PPP1R9B: variants seen among roughly 807,000 people sequenced by gnomAD.
PPP1R9B encodes protein phosphatase 1 regulatory subunit 9B, also known as neurabin-2.
PPP1R9B carries 17 observed loss-of-function variants against 75.8 expected under a neutral mutation model. That is an observed-to-expected ratio of 0.22 (90% CI 0.15 to 0.34). The LOEUF is 0.34. Among genes scored for constraint, PPP1R9B ranks in the 10% least tolerant of loss-of-function variants. The pLI is 1.00. For missense variants in PPP1R9B, 875 were observed against 1,196.0 expected, an observed-to-expected ratio of 0.73 and a Z score of 3.96; for synonymous variants, 509 against 535.4, an observed-to-expected ratio of 0.95 and a Z score of 0.68.
At position 50,149,773 on chromosome 17, in the gene PPP1R9B, C is replaced by T; in HGVS notation, c.741G>A (p.Arg247=). The change falls in exon 1 of 10, where the codon CGG becomes CGA. Residue 247 remains arginine (R), a synonymous_variant. Coordinates refer to ENST00000612501, the MANE Select transcript of PPP1R9B (RefSeq NM_032595.5). The surrounding 1 kb of genome is among the most constrained non-coding windows in gnomAD (Gnocchi z 7.2). Reference sequence around the variant, plus strand: ...GCGGCGGGGGCTGGAACACCCGGGACCGCTTGCTGACCAGCTTCGAGTTGA... The same window carrying T: ...GCGGCGGGGGCTGGAACACCCGGGATCGCTTGCTGACCAGCTTCGAGTTGA... The part of the protein sequence containing the change: ...PQVNSKLVSK[R]SRVFQPPPPP... 1.4e-6 allele frequency: 2 copies of T among 1,411,368 alleles called. No individual in the cohort carries two copies. The highest frequency in any genetic ancestry group is 1.8e-6 in the Non-Finnish European group (2 of 1,091,460). The allele number at this position is 1,411,368 out of a possible 1,614,324, so 87.4% of individuals were successfully genotyped here.
intron 1 of PPP1R9B, among the ~76,000 whole-genome samples, chr17:50,147,222 A>G (rs1303120428): frequency 6.6e-6 from 1 of 152,028 alleles, no homozygotes; most frequent in East Asian, 1.9e-4. Flanking sequence ...GCTGCCCACC[A>G]TGATATGCCG....
At chr17:50,144,977 CA>C in intron 2 of PPP1R9B, 135 bp downstream of exon 2, 1 of 1,141,094 alleles carries the variant, frequency 8.8e-7, no homozygotes, top group Non-Finnish European at 1.2e-6. Flanking sequence ...GGAAGGTCAC[CA>C]AGGGCCTGAG....
rs1446074716 is a variant in PPP1R9B, at chr17:50,149,062, C to G, written c.1371+81G>C. The G allele has an allele frequency of 8.6e-6, 9 of 1,042,968 alleles. No homozygotes were observed. The South Asian group carries it at 1.5e-4, about 18-fold the overall frequency. 64.6% of individuals were successfully genotyped at this position (1,042,968 alleles called of 1,614,324 possible). ...AGGGGCTGACTCAGCCTGCCAAACC[C>G]GGCTGGCTGGCTGGCGAGCGGGGGC... On this transcript the variant is annotated intron_variant, in intron 1 of 9. Coordinates refer to ENST00000612501, the MANE Select transcript of PPP1R9B (RefSeq NM_032595.5). The surrounding 1 kb of genome is among the most constrained non-coding windows in gnomAD (Gnocchi z 7.2).
chr17:50,139,556 T>C lies in PPP1R9B; in HGVS notation c.1892A>G (p.Asp631Gly). The C allele has an allele frequency of 6.3e-7, 1 of 1,575,858 alleles. No individual in the cohort carries two copies. The highest frequency in any genetic ancestry group is 8.6e-7 in the Non-Finnish European group (1 of 1,160,598). ...CGGGAACGTGGGGCTCAGCTCCTCA[T>C]CCTCGTCAGTGGCATACTCTCCCGT... ...EETGEYATDE[D>G]EELSPTFPGG... The change falls in exon 6 of 10, where the codon GAT (aspartate) becomes GGT (glycine). Residue 631 changes from aspartate (D) to glycine (G), a missense_variant. This residue lies in a region of PPP1R9B where 218 missense variants were observed against 334.6 expected (regional missense o/e 0.65). Transcript: ENST00000612501. The surrounding 1 kb of genome is among the most constrained non-coding windows in gnomAD (Gnocchi z 5.0).
intron 4 of PPP1R9B, 188 bp from the exon 5 acceptor site, chr17:50,140,416 G>A: frequency 2.6e-6 from 2 of 777,214 alleles, no homozygotes; most frequent in Admixed American, 2.9e-5. Context: ...TCCTTCCCAA[G>A]GGAGGCAGGA....
chr17:50,149,181 G>A lies in PPP1R9B; in HGVS notation c.1333C>T (p.Pro445Ser). 1 of 1,573,494 alleles carries A rather than the reference G, an allele frequency of 6.4e-7. No homozygotes were observed. The highest frequency in any genetic ancestry group is 8.6e-7 in the Non-Finnish European group (1 of 1,159,812). Residue 445 changes from proline (P) to serine (S), a missense_variant, in exon 1 of 10, where the codon CCG becomes TCG. Physicochemically the swap from Pro to Ser is moderately conservative, Grantham distance 74. Transcript: ENST00000612501. This position sits in a 1 kb window ranked among gnomAD's most constrained non-coding sequence, Gnocchi z 7.2. The stretch of plus-strand genomic sequence containing the variant: ...GTGCTGAAATGGATCTTCCGGCTCG[G>A]GGCTGGGTCCTCCTCCTCCGACAGC... ...PGLSEEEDPA[P>S]SRKIHFSTAP...
rs1184689654 is a variant in PPP1R9B, at chr17:50,141,678, C to CA, written c.1626-306dup. Among the ~76,000 whole-genome samples, 390 of 139,982 alleles carry CA rather than the reference C, an allele frequency of 2.8e-3. 2 individuals are homozygous for CA. Among genetic ancestry groups the CA allele is most frequent in the East Asian group, 8.7e-3 (42 of 4,832 alleles). 91.8% of individuals were successfully genotyped at this position (139,982 alleles called of 152,430 possible). On this transcript the variant is annotated intron_variant, in intron 3 of 9. Coordinates refer to ENST00000612501, the MANE Select transcript of PPP1R9B (RefSeq NM_032595.5). ...ACCCTGCCTCAAAAAAAAAAAAAAA[C>CA]AAAAAAAAACAAGAAAAGAAAACAA...
chr17:50,142,658 C>G lies in PPP1R9B; in HGVS notation c.1625+940G>C, dbSNP rs1184821154. Among the ~76,000 whole-genome samples the G allele has an allele frequency of 1.3e-5, 2 of 152,112 alleles. No homozygotes were observed. The highest frequency in any genetic ancestry group is 4.1e-4 in the South Asian group (2 of 4,830). On this transcript the variant is annotated intron_variant, in intron 3 of 9. Transcript: ENST00000612501. The surrounding 1 kb of genome is among the most constrained non-coding windows in gnomAD (Gnocchi z 4.1). ...AAGAGATCCCCAATGTCACCTCTAA[C>G]TTACAGCCACCCTGGGGGATGCCCT...
chr17:50,140,063 C>A, intron 5 of PPP1R9B, 30 bp downstream of exon 5: 1 of 1,609,436 alleles, frequency 6.2e-7, no homozygotes, highest in Non-Finnish European at 8.5e-7. Context: ...AGGGGGCGAC[C>A]ACGCGGCCAG....
chr17:50,137,026 G>A (rs544695798), intron 7 of PPP1R9B, among the ~76,000 whole-genome samples: 1 of 152,200 alleles, frequency 6.6e-6, no homozygotes, highest in African/African-American at 2.4e-5. Context: ...CTTGCTCTCT[G>A]TCCCCCAGCC....
In PPP1R9B at chr17:50,150,057, G is replaced by T. The variant is rs776862860; in HGVS notation, c.457C>A (p.Arg153=). ...CCGCCTGCGGCCGCTGGGGCGCTCC[G>T]TTCGAACAGCTTCCGCGTCTCCTGC... ...RLQETRKLFE[R]SAPAAAGGDK... Residue 153 remains arginine (R), a synonymous_variant, in exon 1 of 10, where the codon CGG becomes AGG. Transcript: ENST00000612501. The surrounding 1 kb of genome is among the most constrained non-coding windows in gnomAD (Gnocchi z 8.7). 1 of 1,459,948 alleles carries T rather than the reference G, an allele frequency of 6.8e-7. No homozygotes were observed. Among genetic ancestry groups the T allele is most frequent in the South Asian group, 1.3e-5 (1 of 74,986 alleles). 90.4% of individuals were successfully genotyped at this position (1,459,948 alleles called of 1,614,324 possible). A position where few individuals can be genotyped will look rare whatever the true frequency, so the allele number is the denominator to read the frequency against.
At chr17:50,145,410 A>C (rs1912488718) in intron 1 of PPP1R9B, among the ~76,000 whole-genome samples, 165 bp from the exon 2 acceptor site, 1 of 152,156 alleles carries the variant, frequency 6.6e-6, no homozygotes, top group Non-Finnish European at 1.5e-5. Flanking sequence ...TGAGCAAAAC[A>C]AAGGCCCTTA....
At chr17:50,147,741 G>T (rs765894077) in intron 1 of PPP1R9B, among the ~76,000 whole-genome samples, 5 of 152,102 alleles carry the variant, frequency 3.3e-5, no homozygotes, top group Non-Finnish European at 7.4e-5. Context: ...CTGCCTTCAG[G>T]AGGGGAAAGG....
At position 50,150,377 on chromosome 17, in the gene PPP1R9B, T is replaced by C; in HGVS notation, c.137A>G (p.His46Arg). 7.1e-7 allele frequency: 1 copy of C among 1,412,980 alleles called. No individual in the cohort carries two copies. Among genetic ancestry groups the C allele is most frequent in the South Asian group, 1.5e-5 (1 of 65,824 alleles). 87.5% of individuals were successfully genotyped at this position (1,412,980 alleles called of 1,614,324 possible). Residue 46 changes from histidine to arginine, a missense_variant, in exon 1 of 10, where the codon CAC becomes CGC. Coordinates refer to ENST00000612501, the MANE Select transcript of PPP1R9B (RefSeq NM_032595.5). The surrounding 1 kb of genome is among the most constrained non-coding windows in gnomAD (Gnocchi z 8.7). ...PGPDEAPKGAHHKKYGSNVHR... is the reference protein window; with the variant it reads ...PGPDEAPKGARHKKYGSNVHR... ...GACGTTGGAGCCATATTTCTTGTGG[T>C]GGGCCCCCTTGGGTGCCTCGTCGGG... is the stretch of plus-strand genomic sequence containing the variant.
In PPP1R9B at chr17:50,135,293, G is replaced by A. The variant is rs552690521; in HGVS notation, c.*38C>T. 1 of 1,558,174 alleles carries A rather than the reference G, an allele frequency of 6.4e-7. No homozygotes were observed. The highest frequency in any genetic ancestry group is 1.4e-5 in the African/African-American group (1 of 73,836). On this transcript the variant is annotated 3_prime_UTR_variant, in exon 10 of 10. Transcript: ENST00000612501. ...GGACAGGGGAGGGAGGACAATGGGAGGGGGGTTAATTATTGTCCAGTCATG... is the reference window on the plus strand; with the variant it reads ...GGACAGGGGAGGGAGGACAATGGGAAGGGGGTTAATTATTGTCCAGTCATG...
intron 3 of PPP1R9B, among the ~76,000 whole-genome samples, chr17:50,143,251 G>A (rs1912431862): frequency 6.6e-6 from 1 of 151,648 alleles, no homozygotes; most frequent in African/African-American, 2.4e-5. Context: ...AATGTCCAGC[G>A]AAAAAAAAGC....
rs376249905 is a variant in PPP1R9B, at chr17:50,139,357, G to A, written c.2020-41C>T. 24 of 1,613,722 alleles carry A rather than the reference G, an allele frequency of 1.5e-5. No homozygotes were observed. The highest frequency in any genetic ancestry group is 8.9e-5 in the East Asian group (4 of 44,870). ...GCAGGCACTCAGCTCCAGCAGGGTG[G>A]GGCAGGCAGTGCCAAGGGCAGGAGA... On this transcript the variant is annotated intron_variant, in intron 6 of 9. Transcript: ENST00000612501. The surrounding 1 kb of genome is among the most constrained non-coding windows in gnomAD (Gnocchi z 5.0).
intron 3 of PPP1R9B, among the ~76,000 whole-genome samples, chr17:50,143,188 C>T (rs748957244): frequency 1.5e-4 from 23 of 152,194 alleles, no homozygotes; most frequent in Non-Finnish European, 2.8e-4. Context: ...TGCGCCAGGC[C>T]CTCACCATTG....
chr17:50,149,960 A>C lies in PPP1R9B; in HGVS notation c.554T>G (p.Val185Gly). The C allele has an allele frequency of 6.6e-7, 1 of 1,514,610 alleles. No individual in the cohort carries two copies. Among genetic ancestry groups the C allele is most frequent in the Non-Finnish European group, 8.8e-7 (1 of 1,139,692 alleles). 93.8% of individuals were successfully genotyped at this position (1,514,610 alleles called of 1,614,324 possible). Residue 185 changes from valine to glycine, a missense_variant, in exon 1 of 10, where the codon GTC becomes GGC. Around this residue, in one of 4 missense-constraint regions of PPP1R9B, gnomAD observed 449 missense variants for 475.0 expected, o/e 0.95. Coordinates refer to ENST00000612501, the MANE Select transcript of PPP1R9B (RefSeq NM_032595.5). The surrounding 1 kb of genome is among the most constrained non-coding windows in gnomAD (Gnocchi z 7.2). ...GGTGCTGCCGTTGAAGCGCACCACG[A>C]CGTCCAGCTTCCGGTCCTGCAGGCC... ...RAGLQDRKLD[V>G]VVRFNGSTEA...
Sources: allele counts gnomAD v4.1 joint callset (sites outside exome capture counted in the v4.1 genomes callset), GRCh38; gene constraint gnomAD v4.1.1; regional missense constraint gnomAD v4.1.1; non-coding constraint Gnocchi (gnomAD v3.1); transcripts MANE v1.5; gene names NCBI Gene and HGNC (gene_info 2026-07-23, HGNC 2026-07-21).